EFR3A: variants seen among roughly 807,000 people sequenced by gnomAD.
EFR3A encodes the protein protein EFR3 homolog A.
In EFR3A, 76 loss-of-function variants were observed where a neutral mutation model predicts 104.4. The ratio of observed to expected loss-of-function variants is 0.73; its 90% confidence interval spans 0.60 to 0.88. The LOEUF (loss-of-function observed/expected upper bound fraction) is 0.88. Ranked by LOEUF, EFR3A falls within the 40% of genes least tolerant of loss-of-function variation. The pLI is 0.00. For missense variants in EFR3A, 985 were observed against 1,012.5 expected (o/e 0.97, Z 0.37); for synonymous variants, 330 against 330.0 (o/e 1.00, Z 0.00).
intron 10 of EFR3A, among the ~76,000 whole-genome samples, chr8:131,974,947 C>G (rs1163227908): frequency 6.6e-6 from 1 of 152,114 alleles, no homozygotes; most frequent in Non-Finnish European, 1.5e-5. Flanking sequence ...TCTGTAATGA[C>G]TACATTGAAT....
intron 19 of EFR3A, among the ~76,000 whole-genome samples, chr8:131,998,207 A>G (rs531263651): frequency 2.1e-4 from 32 of 152,186 alleles, no homozygotes; most frequent in African/African-American, 5.5e-4. Flanking sequence ...GGCTAAAACT[A>G]ATTAATTACT....
chr8:131,952,434 A>G (rs1818755665), intron 5 of EFR3A, among the ~76,000 whole-genome samples: 1 of 152,134 alleles, frequency 6.6e-6, no homozygotes, highest in South Asian at 2.1e-4. Context: ...GGTAGTTACC[A>G]CCAACACTGC....
intron 1 of EFR3A, among the ~76,000 whole-genome samples, chr8:131,912,413 G>A (rs1046067435): frequency 3.3e-5 from 5 of 152,204 alleles, no homozygotes; most frequent in Admixed American, 6.5e-5. Context: ...TGAATCCTAT[G>A]TGGTTAGAGT....
chr8:131,962,762 A>G (rs1317597727), intron 8 of EFR3A, among the ~76,000 whole-genome samples: 1 of 152,244 alleles, frequency 6.6e-6, no homozygotes, highest in African/African-American at 2.4e-5. Flanking sequence ...TCAACAGAAT[A>G]TACATTCTTC....
intron 1 of EFR3A, among the ~76,000 whole-genome samples, chr8:131,936,932 T>A (rs1050327205): frequency 1.3e-5 from 2 of 152,100 alleles, no homozygotes; most frequent in South Asian, 4.1e-4. Flanking sequence ...GATTAAATCA[T>A]TGGCCACCTG....
At chr8:131,982,169 T>C (rs190725103) in intron 14 of EFR3A, among the ~76,000 whole-genome samples, 56 of 152,232 alleles carry the variant, frequency 3.7e-4, no homozygotes, top group Non-Finnish European at 7.5e-4. Flanking sequence ...ATTGACTCTT[T>C]CAAATTTTTT....
chr8:131,955,568 C>T (rs1290022158), intron 6 of EFR3A, among the ~76,000 whole-genome samples, 200 bp from the exon 7 acceptor site: 1 of 152,028 alleles, frequency 6.6e-6, no homozygotes, highest in Non-Finnish European at 1.5e-5. Context: ...TTTGCACAGC[C>T]AAGTTTATTT....
chr8:131,935,415 A>G, intron 1 of EFR3A: 1 of 351,406 alleles, frequency 2.8e-6, no homozygotes, highest in Non-Finnish European at 5.7e-6. Flanking sequence ...TATGTAAACG[A>G]GCAGTAGATT....
intron 1 of EFR3A, among the ~76,000 whole-genome samples, chr8:131,907,147 C>G (rs1376100778): frequency 6.6e-6 from 1 of 152,136 alleles, no homozygotes; most frequent in Non-Finnish European, 1.5e-5. Context: ...CCTTGAGTTA[C>G]ATTAAGACAA....
At chr8:131,965,487 A>T (rs1021896422) in intron 8 of EFR3A, among the ~76,000 whole-genome samples, 3 of 152,254 alleles carry the variant, frequency 2.0e-5, no homozygotes, top group African/African-American at 7.2e-5. Context: ...CCATCAGATA[A>T]ATGCAAATCA....
rs751365770 is a variant in EFR3A at position 131,996,451 on chromosome 8, C to G, written c.2111C>G (p.Ser704Cys). The G allele has an allele frequency of 6.3e-7, 1 of 1,599,876 alleles. No homozygotes were observed. The highest frequency in any genetic ancestry group is 8.5e-7 in the Non-Finnish European group (1 of 1,174,958). Residue 704 changes from serine to cysteine, a missense_variant, in exon 19 of 23, where the codon TCC (serine) becomes TGC (cysteine). Coordinates refer to ENST00000254624, the MANE Select transcript of EFR3A (RefSeq NM_015137.6). ...SRRKSIVDTV[S>C]IQVDILSNNV... ...AGAAAAAGCATTGTGGACACCGTAT[C>G]CATTCAGGTGGATATTTTATCCAAC... is the stretch of plus-strand genomic sequence containing the variant.
chr8:131,922,322 C>T (rs1376247892), intron 1 of EFR3A, among the ~76,000 whole-genome samples: 1 of 152,026 alleles, frequency 6.6e-6, no homozygotes, highest in African/African-American at 2.4e-5. Flanking sequence ...ATTCCTAACC[C>T]GAAAATCTAA....
chr8:131,993,352 T>C (rs897888914), intron 18 of EFR3A, among the ~76,000 whole-genome samples: 2 of 152,138 alleles, frequency 1.3e-5, no homozygotes, highest in Admixed American at 6.5e-5. Flanking sequence ...ACTCATACTG[T>C]ATTGGCCAGG....
At chr8:132,001,876 A>T in intron 20 of EFR3A, 69 bp downstream of exon 20, 1 of 1,327,710 alleles carries the variant, frequency 7.5e-7, no homozygotes. Context: ...TTTTTCGATG[A>T]CAGAATACGT....
At chr8:131,922,860 A>G (rs1447616245) in intron 1 of EFR3A, among the ~76,000 whole-genome samples, 5 of 152,158 alleles carry the variant, frequency 3.3e-5, no homozygotes, top group Non-Finnish European at 2.9e-5. Context: ...ACTCAGTGTC[A>G]TAAGTTGTAT....
At chr8:132,003,824 C>A (rs1011336221) in intron 22 of EFR3A, among the ~76,000 whole-genome samples, 4 of 152,124 alleles carry the variant, frequency 2.6e-5, no homozygotes, top group Non-Finnish European at 5.9e-5. Context: ...AGAAATGTAG[C>A]ACCTGAAGGA....
At chr8:131,914,046 G>C (rs963617853) in intron 1 of EFR3A, among the ~76,000 whole-genome samples, 8 of 152,298 alleles carry the variant, frequency 5.3e-5, no homozygotes, top group Non-Finnish European at 1.2e-4. Context: ...AGGTGGAAAT[G>C]CTTTATGAAC....
At chr8:131,982,254 G>T (rs1586647729) in intron 14 of EFR3A, among the ~76,000 whole-genome samples, 1 of 151,966 alleles carries the variant, frequency 6.6e-6, no homozygotes, top group East Asian at 1.9e-4. Flanking sequence ...TTGTAATTTG[G>T]GTGAAAGGAA....
chr8:131,977,116 G>A, intron 12 of EFR3A, 24 bp downstream of exon 12: 3 of 1,557,318 alleles, frequency 1.9e-6, no homozygotes, highest in Non-Finnish European at 2.6e-6. Context: ...GACAAATAAA[G>A]GACACACTTA....
Sources: gnomAD v4.1 joint callset for allele counts (sites outside exome capture counted in the v4.1 genomes callset) on GRCh38, gnomAD v4.1.1 for gene constraint, MANE v1.5 for transcripts, NCBI Gene and HGNC (gene_info 2026-07-23, HGNC 2026-07-21) for gene names.